The following MTA3 variants were observed in gnomAD, a reference collection of about 807,000 sequenced individuals.
The protein encoded by MTA3 is metastasis associated 1 family member 3.
In MTA3, 34 loss-of-function variants were observed where a neutral mutation model predicts 83.5. The observed-to-expected ratio is 0.41, with a 90% CI of 0.31 to 0.54. The LOEUF is 0.54. Ranked by LOEUF, MTA3 falls within the 20% of genes least tolerant of loss-of-function variation. The pLI is 0.33. For synonymous variants in MTA3, 303 were observed against 252.7 expected, an observed-to-expected ratio of 1.20 and a Z score of -1.89; for missense variants, 761 against 726.4, an observed-to-expected ratio of 1.05 and a Z score of -0.55.
chr2:42,612,743 C>T (rs1285996333), intron 4 of MTA3, among the ~76,000 whole-genome samples: 1 of 152,082 alleles, frequency 6.6e-6, no homozygotes, highest in African/African-American at 2.4e-5. Flanking sequence ...TGCCTGTAAT[C>T]CCAGCTACTC....
At chr2:42,688,344 A>G (rs1036301074) in intron 9 of MTA3, among the ~76,000 whole-genome samples, 2 of 152,082 alleles carry the variant, frequency 1.3e-5, no homozygotes, top group African/African-American at 4.8e-5. Flanking sequence ...TTGACCTCCC[A>G]AGTTGCTGGG....
At chr2:42,565,255 T>C (rs1269881733), upstream of MTA3, among the ~76,000 whole-genome samples, 1 of 151,958 alleles carries the variant, frequency 6.6e-6, no homozygotes, top group Non-Finnish European at 1.5e-5. Context: ...GGCATAAACA[T>C]GGCTCACAGC....
chr2:42,571,855 G>A (rs1026914192), intron 2 of MTA3, among the ~76,000 whole-genome samples: 1 of 151,850 alleles, frequency 6.6e-6, no homozygotes, highest in African/African-American at 2.4e-5. Context: ...GCTGAGGCAG[G>A]AGAATTGCTT....
chr2:42,669,225 C>A (rs1034542709), intron 8 of MTA3, among the ~76,000 whole-genome samples: 23 of 151,630 alleles, frequency 1.5e-4, no homozygotes, highest in Non-Finnish European at 3.2e-4. Flanking sequence ...TCTGGAATTA[C>A]AAGCACCCCT....
chr2:42,748,186 A>T (rs1290562234), intron 16 of MTA3, among the ~76,000 whole-genome samples: 1 of 146,796 alleles, frequency 6.8e-6, no homozygotes, highest in Non-Finnish European at 1.5e-5. Context: ...GTGCCATCAC[A>T]TCCAGCTAAT....
rs1216600680 is a variant in MTA3, at chr2:42,729,086, G to GTTTTTTTTTTTTTTTT, written c.1759+6063_1759+6078dup. Among the ~76,000 whole-genome samples the GTTTTTTTTTTTTTTTT allele has an allele frequency of 1.8e-4, 11 of 60,142 alleles. 4 individuals carry two copies. Among genetic ancestry groups the GTTTTTTTTTTTTTTTT allele is most frequent in the Non-Finnish European group, 1.8e-4 (6 of 33,858 alleles). The allele number at this position is 60,142 out of a possible 152,430, so 39.5% of individuals were successfully genotyped here. ...TTCTTTTATTAGTTTCACAGTTTGA[G>GTTTTTTTTTTTTTTTT]TTTTTTTTTTTTTTTTTTTTTTTTT... On this transcript the variant is annotated intron_variant, in intron 16 of 16. Coordinates refer to ENST00000405094, the MANE Select transcript of MTA3 (RefSeq NM_001330442.2).
At chr2:42,737,215 C>G (rs542741836) in intron 16 of MTA3, among the ~76,000 whole-genome samples, 5 of 152,288 alleles carry the variant, frequency 3.3e-5, no homozygotes, top group South Asian at 4.2e-4. Flanking sequence ...GAATTGCAGT[C>G]CTTGTGGCCT....
chr2:42,604,093 G>A (rs1371479699), intron 3 of MTA3, among the ~76,000 whole-genome samples: 1 of 151,582 alleles, frequency 6.6e-6, no homozygotes, highest in Non-Finnish European at 1.5e-5. Context: ...CCAGGCTGGA[G>A]TGCAATGGCG....
intron 9 of MTA3, among the ~76,000 whole-genome samples, 186 bp from the exon 10 acceptor site, chr2:42,695,579 G>T (rs1163326078): frequency 7.7e-6 from 1 of 129,440 alleles, no homozygotes; most frequent in Middle Eastern, 7.0e-3. Context: ...AGGTTGCTGT[G>T]AGCTGACATC....
At position 42,723,006 on chromosome 2, in the gene MTA3, G is replaced by A; in HGVS notation, c.1730G>A (p.Arg577Lys). 1 of 1,550,926 alleles carries A rather than the reference G, an allele frequency of 6.4e-7. No individual in the cohort carries two copies. Among genetic ancestry groups the A allele is most frequent in the East Asian group, 2.4e-5 (1 of 40,924 alleles). ...NHTSLSILGK[R>K]NYSHHNGLDE... ...ACATCTCTGAGCATTCTGGGGAAAA[G>A]AAACTACAGTCATCACAATGGTCTG... The change falls in exon 16 of 17, where the codon AGA (arginine) becomes AAA (lysine). Residue 577 changes from arginine (R) to lysine (K), a missense_variant. By Grantham distance (26) the Arg-to-Lys change is conservative. Transcript: ENST00000405094.
At chr2:42,663,322 C>T (rs1032956256) in intron 8 of MTA3, among the ~76,000 whole-genome samples, 1 of 152,144 alleles carries the variant, frequency 6.6e-6, no homozygotes, top group African/African-American at 2.4e-5. Flanking sequence ...TCACTGCTTC[C>T]CACTGCTGGT....
intron 3 of MTA3, among the ~76,000 whole-genome samples, chr2:42,579,502 C>G (rs1679392402): frequency 6.6e-6 from 1 of 151,002 alleles, no homozygotes; most frequent in African/African-American, 2.4e-5. Context: ...TCATGGCTCA[C>G]TGCAGCCTCA....
At chr2:42,679,980 A>G (rs1691724143) in intron 8 of MTA3, 1 of 152,246 alleles carries the variant, frequency 6.6e-6, no homozygotes, top group African/African-American at 2.4e-5. Context: ...TGTAGCATCT[A>G]TCTAGAAAAG....
At chr2:42,625,558 A>G (rs964145865) in intron 4 of MTA3, among the ~76,000 whole-genome samples, 6 of 150,488 alleles carry the variant, frequency 4.0e-5, no homozygotes, top group Middle Eastern at 3.4e-3. Flanking sequence ...CATCCTGGCT[A>G]ACACGGTGAA....
At chr2:42,748,789 T>A (rs150789324) in intron 16 of MTA3, among the ~76,000 whole-genome samples, 1 of 152,324 alleles carries the variant, frequency 6.6e-6, no homozygotes, top group African/African-American at 2.4e-5. Flanking sequence ...GAATGATGAG[T>A]TATAAAGACT....
At chr2:42,680,803 G>T (rs916303508) in intron 8 of MTA3, among the ~76,000 whole-genome samples, 1 of 152,116 alleles carries the variant, frequency 6.6e-6, no homozygotes, top group Non-Finnish European at 1.5e-5. Flanking sequence ...CCAGGCTGGG[G>T]TGCAGTGGCA....
At chr2:42,590,491 T>C (rs1178704551) in intron 3 of MTA3, among the ~76,000 whole-genome samples, 2 of 152,162 alleles carry the variant, frequency 1.3e-5, no homozygotes, top group African/African-American at 2.4e-5. Flanking sequence ...TCATAAACTT[T>C]ACAGCCATTA....
Position 42,579,112 on chromosome 2 carries a change from A to G in MTA3, c.102A>G (p.Ala34=). The G allele has an allele frequency of 6.2e-7, 1 of 1,602,740 alleles. No homozygotes were observed. The highest frequency in any genetic ancestry group is 1.1e-5 in the South Asian group (1 of 88,354). The change falls in exon 3 of 17, where the codon GCA becomes GCG. Residue 34 remains alanine (A), a synonymous_variant. Coordinates refer to ENST00000405094, the MANE Select transcript of MTA3 (RefSeq NM_001330442.2). ...IRRIEELNKT[A]SGNVEAKVVC... ...TTATTTTTCTTATCTCTTAGACTGC[A>G]AGTGGCAACGTGGAAGCAAAAGTAG...
In MTA3 at chr2:42,657,978, G is replaced by A. The variant is rs538623024; in HGVS notation, c.602+1676G>A. ...TCCCAGCTACTTGGGAGACTGAGGC[G>A]GGAAAATTGCTTGAACTTGCGAGAC... On this transcript the variant is annotated intron_variant, in intron 7 of 16. Transcript: ENST00000405094. Among the ~76,000 whole-genome samples, 12 of 150,030 alleles carry A rather than the reference G, an allele frequency of 8.0e-5. No individual in the cohort carries two copies. The South Asian group carries it at 1.3e-3, about 16-fold the overall frequency.
Sources: gnomAD v4.1 joint callset for allele counts (sites outside exome capture counted in the v4.1 genomes callset) on GRCh38, gnomAD v4.1.1 for gene constraint, MANE v1.5 for transcripts, NCBI Gene and HGNC (gene_info 2026-07-23, HGNC 2026-07-21) for gene names.